Variants in SSUH2 observed in about 807,000 individuals in gnomAD.
SSUH2 encodes the protein protein SSUH2 homolog.
In SSUH2, 47 loss-of-function variants were observed where a neutral mutation model predicts 55.3. The observed-to-expected ratio is 0.85, with a 90% confidence interval of 0.67 to 1.08. The LOEUF is 1.08. Ranked by LOEUF, SSUH2 falls within the 50% of genes least tolerant of loss-of-function variation. The pLI is 0.00. For synonymous variants in SSUH2, 212 were observed against 191.5 expected, an observed-to-expected ratio of 1.11 and a Z score of -0.89; for missense variants, 535 against 490.7, an observed-to-expected ratio of 1.09 and a Z score of -0.85.
intron 2 of SSUH2, among the ~76,000 whole-genome samples, chr3:8,677,742 C>T (rs1968931): frequency 0.038 from 5,681 of 150,710 alleles, 538 homozygotes; most frequent in African/African-American, 0.13. Context: ...CCTGCTAGTA[C>T]AAGAAGCAAA....
Position 8,661,351 on chromosome 3 carries a change from A to T in SSUH2, c.-395-2338T>A, listed in dbSNP as rs553255025. Among the ~76,000 whole-genome samples the T allele has an allele frequency of 3.9e-5, 6 of 152,306 alleles. No homozygotes were observed. In the South Asian group the frequency reaches 6.2e-4, roughly 16 times the overall value. On this transcript the variant is annotated intron_variant, in intron 6 of 18. Coordinates refer to the SSUH2 transcript ENST00000317371. ...ACTGCTCTGAAAGTATTCACTGTTT[A>T]ACTTGTATGTCATTCTCTCACGTAT...
At chr3:8,626,009 G>A (rs1425749093) in intron 9 of SSUH2, among the ~76,000 whole-genome samples, 2 of 152,184 alleles carry the variant, frequency 1.3e-5, no homozygotes, top group African/African-American at 2.4e-5. Flanking sequence ...CTAGAAAGTG[G>A]TGATGGCAGA....
At chr3:8,663,668 A>ATTGATTATG in intron 6 of SSUH2, 1 of 370,036 alleles carries the variant, frequency 2.7e-6, no homozygotes, top group Non-Finnish European at 5.4e-6. Flanking sequence ...GGTGCTAGGA[A>ATTGATTATG]TGTGTTAATT....
At chr3:8,633,372 CACCTCAGGTGATCCTG>C (rs143168229) in intron 4 of SSUH2, among the ~76,000 whole-genome samples, 73,454 of 151,512 alleles carry the variant, frequency 0.48, 18,544 homozygotes, top group South Asian at 0.62. Flanking sequence ...TAACCTGACT[CACCTCAGGTGATCCTG>C]ACCTCAGGTG....
chr3:8,664,515 T>A (rs754311840), intron 5 of SSUH2, among the ~76,000 whole-genome samples: 1 of 152,200 alleles, frequency 6.6e-6, no homozygotes, highest in Non-Finnish European at 1.5e-5. Context: ...AAAGCATGTA[T>A]CCAAAAGTGT....
intron 1 of SSUH2, among the ~76,000 whole-genome samples, chr3:8,680,618 A>C (rs1211330142): frequency 6.6e-6 from 1 of 152,048 alleles, no homozygotes; most frequent in Non-Finnish European, 1.5e-5. Flanking sequence ...GTCATATTGA[A>C]AGTAATATCA....
intron 8 of SSUH2, 21 bp from the exon 9 acceptor site, chr3:8,626,342 G>C: frequency 6.2e-7 from 1 of 1,603,286 alleles, no homozygotes; most frequent in Non-Finnish European, 8.5e-7. Context: ...CACAGAGTCC[G>C]TACCCCCAGA....
chr3:8,625,517 G>A (rs757172345), intron 10 of SSUH2, 25 bp downstream of exon 10: 3 of 1,474,334 alleles, frequency 2.0e-6, no homozygotes, highest in Non-Finnish European at 2.8e-6. Flanking sequence ...AGCTTCCTTT[G>A]TTCCCATCTA....
intron 3 of SSUH2, among the ~76,000 whole-genome samples, chr3:8,675,117 G>C (rs1330097846): frequency 6.6e-6 from 1 of 152,166 alleles, no homozygotes; most frequent in Non-Finnish European, 1.5e-5. Flanking sequence ...AAGCTACACT[G>C]ACTTTACATC....
rs555626298 is a variant in SSUH2, at chr3:8,660,937, T to C, written c.-395-1924A>G. ...ACTCATCTCTCACTGGCACCTCCCA[T>C]TGGCCAACCCAGACAGAGCAAGGGG... On this transcript the variant is annotated intron_variant, in intron 6 of 18. Coordinates refer to the SSUH2 transcript ENST00000317371. 2.0e-4 allele frequency among the ~76,000 whole-genome samples: 31 copies of C among 152,272 alleles called. No homozygotes were observed. The South Asian group carries it at 6.0e-3, about 30-fold the overall frequency.
chr3:8,660,380 A>C (rs1204505122), intron 6 of SSUH2, among the ~76,000 whole-genome samples: 1 of 152,214 alleles, frequency 6.6e-6, no homozygotes, highest in African/African-American at 2.4e-5. Context: ...GCAGAAACTT[A>C]AAATAAATAT....
intron 3 of SSUH2, among the ~76,000 whole-genome samples, chr3:8,675,547 C>A (rs1156270405): frequency 5.9e-5 from 9 of 152,096 alleles, no homozygotes; most frequent in Non-Finnish European, 1.2e-4. Context: ...ACAGCAGGTA[C>A]CTTACTTGTG....
intron 3 of SSUH2, among the ~76,000 whole-genome samples, chr3:8,673,213 G>C (rs776286427): frequency 6.6e-6 from 1 of 151,690 alleles, no homozygotes; most frequent in Non-Finnish European, 1.5e-5. Context: ...TATTGTTATC[G>C]TTAGTATAAC....
upstream of SSUH2, among the ~76,000 whole-genome samples, chr3:8,647,387 C>T (rs1213545674): frequency 2.0e-5 from 3 of 152,204 alleles, no homozygotes; most frequent in Non-Finnish European, 2.9e-5. Context: ...AGAATATTAA[C>T]GCAGAAGCTT....
chr3:8,619,562 G>C lies in SSUH2; in HGVS notation c.*306C>G. 3.7e-6 allele frequency: 1 copy of C among 268,730 alleles called. No homozygotes were observed. Among genetic ancestry groups the C allele is most frequent in the Non-Finnish European group, 6.9e-6 (1 of 144,022 alleles). 16.6% of individuals were successfully genotyped at this position (268,730 alleles called of 1,614,324 possible). On this transcript the variant is annotated 3_prime_UTR_variant, in exon 12 of 12. Coordinates refer to ENST00000544814, the MANE Select transcript of SSUH2 (RefSeq NM_001256748.3). The stretch of plus-strand genomic sequence containing the variant: ...GGGAAAAAGCAAAATCAAATCACAC[G>C]CATCATCGGGGCATTAACTTGGAGA...
At chr3:8,681,016 A>T (rs557611965) in intron 1 of SSUH2, among the ~76,000 whole-genome samples, 2 of 125,650 alleles carry the variant, frequency 1.6e-5, no homozygotes, top group African/African-American at 2.9e-5. Flanking sequence ...GGGGGAGGCA[A>T]CCTCCAAGTG....
intron 5 of SSUH2, among the ~76,000 whole-genome samples, chr3:8,664,196 A>G (rs993077404): frequency 1.3e-5 from 2 of 152,234 alleles, no homozygotes; most frequent in African/African-American, 4.8e-5. Flanking sequence ...AGCTCCTAGA[A>G]AACGACCCTT....
intron 5 of SSUH2, among the ~76,000 whole-genome samples, chr3:8,665,570 T>A (rs996886183): frequency 6.6e-6 from 1 of 152,194 alleles, no homozygotes; most frequent in Non-Finnish European, 1.5e-5. Flanking sequence ...TTGTTTTCAA[T>A]GAATGTCATT....
chr3:8,627,802 C>T lies in SSUH2; in HGVS notation c.589-19G>A. The stretch of plus-strand genomic sequence containing the variant: ...ACCGCACCTGCAGACACACCACTGC[C>T]TCAGCCCCCGCTGGCCTCCCAGGAA... On this transcript the variant is annotated intron_variant, in intron 7 of 11. Coordinates refer to ENST00000544814, the MANE Select transcript of SSUH2 (RefSeq NM_001256748.3). 1.3e-6 allele frequency: 2 copies of T among 1,599,254 alleles called. No homozygotes were observed. Among genetic ancestry groups the T allele is most frequent in the Non-Finnish European group, 1.7e-6 (2 of 1,173,714 alleles).
Sources: gnomAD v4.1 joint callset for allele counts (sites outside exome capture counted in the v4.1 genomes callset) on GRCh38, gnomAD v4.1.1 for gene constraint, MANE v1.5 for transcripts, NCBI Gene and HGNC (gene_info 2026-07-23, HGNC 2026-07-21) for gene names.